CD200R1L: variants seen among roughly 807,000 people sequenced by gnomAD.
CD200R1L encodes the protein CD200 receptor 1 like.
In CD200R1L, 14 loss-of-function variants were observed where a neutral mutation model predicts 24.8. That is an observed-to-expected ratio of 0.56 (90% CI 0.37 to 0.88). CD200R1L has a LOEUF of 0.88. CD200R1L is among the 40% of genes least tolerant of loss of function. The pLI, the probability that CD200R1L is intolerant of heterozygous loss-of-function variation, is 0.00. For missense variants in CD200R1L, 299 were observed against 297.8 expected (o/e 1.00, Z -0.03); for synonymous variants, 111 against 109.2 (o/e 1.02, Z -0.11).
intron 2 of CD200R1L, among the ~76,000 whole-genome samples, chr3:112,844,909 A>T (rs2107357616): frequency 6.6e-6 from 1 of 152,296 alleles, no homozygotes; most frequent in South Asian, 2.1e-4. Flanking sequence ...GGGCAATAAG[A>T]GCTAAAATCC....
chr3:112,840,757 C>A (rs1422711659), intron 2 of CD200R1L, among the ~76,000 whole-genome samples: 1 of 152,202 alleles, frequency 6.6e-6, no homozygotes, highest in Non-Finnish European at 1.5e-5. Flanking sequence ...ACTCTCCCCA[C>A]TTCTTGCTAG....
rs561416125 is a variant in CD200R1L, at chr3:112,836,000, G to A, written c.-18+1942C>T. Among the ~76,000 whole-genome samples the A allele has an allele frequency of 2.0e-5, 3 of 152,370 alleles. No homozygotes were observed. In the South Asian group the frequency reaches 6.2e-4, roughly 32 times the overall value. On this transcript the variant is annotated intron_variant, in intron 3 of 7. Coordinates refer to ENST00000488794, the MANE Select transcript of CD200R1L (RefSeq NM_001199215.3). Reference sequence around the variant, plus strand: ...CAGTAGGCAAAGAGCAGGTGGCATGGTGGCCCCAGCCAACCCTGCACAAAT... The same window carrying A: ...CAGTAGGCAAAGAGCAGGTGGCATGATGGCCCCAGCCAACCCTGCACAAAT...
rs148496374 is a variant in CD200R1L at position 112,827,858 on chromosome 3, A to G, written c.50-174T>C. 4.3e-4 allele frequency among the ~76,000 whole-genome samples: 66 copies of G among 152,342 alleles called. No homozygotes were observed. The East Asian group carries it at 0.012, about 28-fold the overall frequency. ...AACATTCACAAAATATAAATAATATATTGAACCCAATCTAAAGATTAACAA... is the reference window on the plus strand; with the variant it reads ...AACATTCACAAAATATAAATAATATGTTGAACCCAATCTAAAGATTAACAA... On this transcript the variant is annotated intron_variant, in intron 4 of 7. Coordinates refer to ENST00000488794, the MANE Select transcript of CD200R1L (RefSeq NM_001199215.3).
intron 3 of CD200R1L, 33 bp from the exon 4 acceptor site, chr3:112,829,417 C>A: frequency 1.3e-6 from 2 of 1,573,960 alleles, no homozygotes; most frequent in South Asian, 1.1e-5. Context: ...TAAGCGAAAT[C>A]AATTTTATGT....
In CD200R1L at chr3:112,826,995, G is replaced by A; in HGVS notation, c.614C>T (p.Ser205Leu). 6.3e-7 allele frequency: 1 copy of A among 1,599,674 alleles called. No homozygotes were observed. The highest frequency in any genetic ancestry group is 8.5e-7 in the Non-Finnish European group (1 of 1,175,182). ...TTCTACAAGAAACAGGCGCTTACCT[G>A]AATTCAACTTTACGGACAGACTCTT... ...GNKSLSVKLN[S>L]GLRTSGSPAL... is the part of the protein sequence containing the mutation. Residue 205 changes from serine (S) to leucine (L), a missense_variant and splice_region_variant, in exon 6 of 8, where the codon TCA (serine) becomes TTA (leucine). Ser to Leu is a moderately radical substitution (Grantham distance 145). Coordinates refer to ENST00000488794, the MANE Select transcript of CD200R1L (RefSeq NM_001199215.3).
intron 6 of CD200R1L, among the ~76,000 whole-genome samples, chr3:112,825,450 A>G (rs1938635976): frequency 1.3e-5 from 2 of 149,220 alleles, no homozygotes; most frequent in Non-Finnish European, 3.0e-5. Flanking sequence ...ATTAATAATT[A>G]TAATAAATAT....
At chr3:112,841,485 A>G (rs1033971836) in intron 2 of CD200R1L, 2 of 226,924 alleles carry the variant, frequency 8.8e-6, no homozygotes, top group Non-Finnish European at 1.8e-5. Flanking sequence ...TCAAACCTGT[A>G]TGGAGCCTAG....
chr3:112,836,052 T>G (rs1938935451), intron 3 of CD200R1L, among the ~76,000 whole-genome samples: 1 of 152,200 alleles, frequency 6.6e-6, no homozygotes, highest in South Asian at 2.1e-4. Context: ...GGGACAGCAG[T>G]GTGTCTTGAC....
chr3:112,827,308 C>A (rs958558995), intron 5 of CD200R1L, 59 bp downstream of exon 5: 1 of 1,588,490 alleles, frequency 6.3e-7, no homozygotes, highest in East Asian at 2.2e-5. Flanking sequence ...TTCAGAGAGA[C>A]ATTTGTTTCA....
intron 3 of CD200R1L, among the ~76,000 whole-genome samples, chr3:112,833,803 G>T (rs1369858974): frequency 6.6e-6 from 1 of 152,202 alleles, no homozygotes; most frequent in East Asian, 1.9e-4. Flanking sequence ...TGGATGGGTT[G>T]CCTCAGTCTG....
chr3:112,829,341 G>A lies in CD200R1L; in HGVS notation c.27C>T (p.Asn9=). 6.2e-7 allele frequency: 1 copy of A among 1,614,048 alleles called. No homozygotes were observed. The highest frequency in any genetic ancestry group is 8.5e-7 in the Non-Finnish European group (1 of 1,179,884). MGGKQMTQ[N]YSTIFAEGNI... ...TACCTTCTGCAAAAATTGTTGAATA[G>A]TTCTGTGTCATCTGCTTTCCACCCA... is the stretch of plus-strand genomic sequence containing the variant. Residue 9 remains asparagine, a synonymous_variant, in exon 4 of 8, where the codon AAC becomes AAT. Transcript: ENST00000488794.
In CD200R1L at chr3:112,819,844, A is replaced by T. The variant is rs201532373; in HGVS notation, c.668T>A (p.Val223Glu). 2.6e-4 allele frequency: 417 copies of T among 1,611,564 alleles called. No homozygotes were observed. The highest frequency in any genetic ancestry group is 4.7e-4 in the Admixed American group (28 of 59,536). Residue 223 changes from valine (V) to glutamate (E), a missense_variant, in exon 7 of 8, where the codon GTG becomes GAG. Coordinates refer to ENST00000488794, the MANE Select transcript of CD200R1L (RefSeq NM_001199215.3). ...PALSLLIILY[V>E]KLSLFVVILV... ...AATGACCACAAAAAGAGAGAGTTTC[A>T]CATAAAGAATGATCAGTAAGGACAA...
intron 2 of CD200R1L, among the ~76,000 whole-genome samples, chr3:112,840,736 T>G (rs1463395745): frequency 6.6e-6 from 1 of 152,150 alleles, no homozygotes; most frequent in Non-Finnish European, 1.5e-5. Flanking sequence ...AGTACCAGAA[T>G]CTGCATATAA....
In CD200R1L at chr3:112,827,463, T is replaced by C. The variant is rs1938691793; in HGVS notation, c.271A>G (p.Ile91Val). Residue 91 changes from isoleucine to valine, a missense_variant, in exon 5 of 8, where the codon ATT becomes GTT. Transcript: ENST00000488794. ...TCATGAGTGGTGTCCACCGGACGAATCTGAAGGTCCGAATTCTGATCAGGT... is the reference window on the plus strand; with the variant it reads ...TCATGAGTGGTGTCCACCGGACGAACCTGAAGGTCCGAATTCTGATCAGGT... ...SRPDQNSDLQ[I>V]RPVDTTHDGY... 6.2e-7 allele frequency: 1 copy of C among 1,614,188 alleles called. No individual in the cohort carries two copies.
intron 6 of CD200R1L, among the ~76,000 whole-genome samples, chr3:112,820,491 C>T (rs927098089): frequency 3.9e-5 from 6 of 151,990 alleles, no homozygotes; most frequent in Non-Finnish European, 5.9e-5. Context: ...AGTGCAGCGG[C>T]GCAATCTCGG....
At chr3:112,819,734 TCTACTGTGTC>T in intron 7 of CD200R1L, 28 bp downstream of exon 7, 2 of 1,471,014 alleles carry the variant, frequency 1.4e-6, no homozygotes, top group Admixed American at 2.4e-5. Flanking sequence ...CTTTTTTTTT[TCTACTGTGTC>T]TTATGCTTTT....
rs76039918 is a variant in CD200R1L, at chr3:112,822,416, G to A, written c.617-2521C>T. Among the ~76,000 whole-genome samples, 758 of 152,164 alleles carry A rather than the reference G, an allele frequency of 5.0e-3. 10 individuals are homozygous for A. Among genetic ancestry groups the A allele is most frequent in the African/African-American group, 0.018 (727 of 41,518 alleles). On this transcript the variant is annotated intron_variant, in intron 6 of 7. Coordinates refer to ENST00000488794, the MANE Select transcript of CD200R1L (RefSeq NM_001199215.3). ...CCATTGACCTCCTGGGAGGGGAGAG[G>A]GGCTAGAGATTAAGCTAAAAACCAA... is the stretch of plus-strand genomic sequence containing the variant.
rs1939017643 is a variant in CD200R1L, at chr3:112,838,761, C to G, written c.-86-751G>C. On this transcript the variant is annotated intron_variant, in intron 2 of 7. Transcript: ENST00000488794. ...TAGTATTCAATCATTCAATCAAACA[C>G]TAATTTAAACATTGCTGTGAAGGTA... Among the ~76,000 whole-genome samples, 3 of 152,232 alleles carry G rather than the reference C, an allele frequency of 2.0e-5. No homozygotes were observed. In the East Asian group the frequency reaches 5.8e-4, roughly 29 times the overall value.
In CD200R1L at chr3:112,819,949, A is replaced by T. The variant is rs1405019948; in HGVS notation, c.617-54T>A. On this transcript the variant is annotated intron_variant, in intron 6 of 7. Coordinates refer to ENST00000488794, the MANE Select transcript of CD200R1L (RefSeq NM_001199215.3). Reference sequence around the variant, plus strand: ...ATTTCAAGCATTCTTCTAGTTACAAATTAGAGTCAATCATTTTAAAGAACA... The same window carrying T: ...ATTTCAAGCATTCTTCTAGTTACAATTTAGAGTCAATCATTTTAAAGAACA... The T allele has an allele frequency of 1.8e-5, 27 of 1,467,120 alleles. No individual in the cohort carries two copies. In the Admixed American group the frequency reaches 6.5e-4, roughly 35 times the overall value. The allele number at this position is 1,467,120 out of a possible 1,614,324, so 90.9% of individuals were successfully genotyped here. A position where few individuals can be genotyped will look rare whatever the true frequency, so the allele number is the denominator to read the frequency against.
Sources: allele counts gnomAD v4.1 joint callset (sites outside exome capture counted in the v4.1 genomes callset), GRCh38; gene constraint gnomAD v4.1.1; transcripts MANE v1.5; gene names NCBI Gene and HGNC (gene_info 2026-07-23, HGNC 2026-07-21).